PLPPR5: variants seen among roughly 807,000 people sequenced by gnomAD.
The protein encoded by PLPPR5 is phospholipid phosphatase related 5, also known as phospholipid phosphatase-related protein type 5.
PLPPR5 carries 16 observed loss-of-function variants against 33.9 expected under a neutral mutation model. The observed-to-expected ratio is 0.47, with a 90% CI of 0.32 to 0.72. The LOEUF is 0.72. Ranked by LOEUF, PLPPR5 falls within the 30% of genes least tolerant of loss-of-function variation. PLPPR5 has a pLI of 0.03. For synonymous variants in PLPPR5, 163 were observed against 150.3 expected, an observed-to-expected ratio of 1.08 and a Z score of -0.62; for missense variants, 301 against 406.7, an observed-to-expected ratio of 0.74 and a Z score of 2.23.
intron 1 of PLPPR5, among the ~76,000 whole-genome samples, chr1:98,964,913 C>A (rs1356844230): frequency 6.6e-6 from 1 of 152,076 alleles, no homozygotes; most frequent in African/African-American, 2.4e-5. Context: ...AATCCTCCTG[C>A]CTCAGCCTCC....
intron 1 of PLPPR5, 92 bp from the exon 2 acceptor site, chr1:98,956,833 T>A: frequency 1.0e-6 from 1 of 970,110 alleles, no homozygotes; most frequent in Non-Finnish European, 1.4e-6. Flanking sequence ...TGGAGCCCCT[T>A]TGAATGGTAA....
At position 98,997,663 on chromosome 1, in the gene PLPPR5, G is replaced by T. The variant is rs150957970; in HGVS notation, c.237+6772C>A. On this transcript the variant is annotated intron_variant, in intron 1 of 5. Transcript: ENST00000263177. ...TTCTATAGGAAAATCAGGAAAAAAA[G>T]TATAAAAATCTTACTCATTTTTCCA... is the stretch of plus-strand genomic sequence containing the variant. 1.4e-3 allele frequency among the ~76,000 whole-genome samples: 216 copies of T among 152,262 alleles called. 4 individuals carry two copies. Among genetic ancestry groups the T allele is most frequent in the African/African-American group, 4.9e-3 (204 of 41,546 alleles).
At chr1:98,947,476 C>G (rs935858033) in intron 3 of PLPPR5, among the ~76,000 whole-genome samples, 1 of 152,102 alleles carries the variant, frequency 6.6e-6, no homozygotes, top group Non-Finnish European at 1.5e-5. Flanking sequence ...ATCATCCAAG[C>G]CATTTTAATA....
intron 1 of PLPPR5, among the ~76,000 whole-genome samples, chr1:98,972,346 T>C (rs935655078): frequency 6.6e-6 from 1 of 152,100 alleles, no homozygotes; most frequent in Non-Finnish European, 1.5e-5. Context: ...TTCTACTTAA[T>C]GAGCAATTCT....
rs771680518 is a variant in PLPPR5 at position 99,004,635 on chromosome 1, G to A, written c.37C>T (p.Leu13Phe). ...LLPAALTSSMLYFQMVIMAGT... is the reference protein window; with the variant it reads ...LLPAALTSSMFYFQMVIMAGT... ...GCCATGATCACCATCTGGAAATAGAGCATGCTGCTGGTGAGCGCCGCGGGC... is the reference window on the plus strand; with the variant it reads ...GCCATGATCACCATCTGGAAATAGAACATGCTGCTGGTGAGCGCCGCGGGC... The change falls in exon 1 of 6, where the codon CTC becomes TTC. Residue 13 changes from leucine to phenylalanine, a missense_variant. Leu to Phe is a conservative substitution (Grantham distance 22). Coordinates refer to ENST00000263177, the MANE Select transcript of PLPPR5 (RefSeq NM_001037317.2). 47 of 1,612,692 alleles carry A rather than the reference G, an allele frequency of 2.9e-5. No individual in the cohort carries two copies. Among genetic ancestry groups the A allele is most frequent in the Non-Finnish European group, 3.6e-5 (43 of 1,179,690 alleles).
intron 3 of PLPPR5, among the ~76,000 whole-genome samples, chr1:98,935,574 A>T (rs1192402377): frequency 6.6e-6 from 1 of 152,238 alleles, no homozygotes; most frequent in Non-Finnish European, 1.5e-5. Flanking sequence ...AATTATAAGA[A>T]CAAGTCAAAC....
In PLPPR5 at chr1:98,976,587, A is replaced by G. The variant is rs374717166; in HGVS notation, c.238-19846T>C. Among the ~76,000 whole-genome samples, 22 of 152,170 alleles carry G rather than the reference A, an allele frequency of 1.4e-4. No individual in the cohort carries two copies. The South Asian group carries it at 4.4e-3, about 30-fold the overall frequency. On this transcript the variant is annotated intron_variant, in intron 1 of 5. Coordinates refer to ENST00000263177, the MANE Select transcript of PLPPR5 (RefSeq NM_001037317.2). ...TCTGCCCTGTCTGATGAAACTGCCA[A>G]TTGCCTTGAACACTTGGTGACTGAG...
At chr1:98,922,793 G>A (rs1183059433) in intron 3 of PLPPR5, among the ~76,000 whole-genome samples, 2 of 152,090 alleles carry the variant, frequency 1.3e-5, no homozygotes, top group Non-Finnish European at 2.9e-5. Context: ...AGACCATCCT[G>A]GCTAACATGG....
chr1:98,996,787 G>A (rs1250085323), intron 1 of PLPPR5, among the ~76,000 whole-genome samples: 1 of 151,922 alleles, frequency 6.6e-6, no homozygotes, highest in Admixed American at 6.6e-5. Flanking sequence ...TTCTTTTTAT[G>A]TTTGGTTGTA....
chr1:98,953,434 G>A, intron 2 of PLPPR5, 114 bp from the exon 3 acceptor site: 1 of 1,402,782 alleles, frequency 7.1e-7, no homozygotes, highest in Non-Finnish European at 9.5e-7. Flanking sequence ...AAATATTTTA[G>A]AAACTATAAA....
chr1:98,987,638 A>C (rs1221363360), intron 1 of PLPPR5, among the ~76,000 whole-genome samples: 2 of 151,818 alleles, frequency 1.3e-5, no homozygotes, highest in Non-Finnish European at 2.9e-5. Flanking sequence ...CATGGAAAAG[A>C]CTCTGACAAA....
chr1:98,925,697 A>T (rs1052508793), intron 3 of PLPPR5, among the ~76,000 whole-genome samples: 3 of 14,060 alleles, frequency 2.1e-4, no homozygotes, highest in African/African-American at 4.4e-4. Context: ...AAATGGAAAT[A>T]AAAAAACACA....
intron 3 of PLPPR5, among the ~76,000 whole-genome samples, chr1:98,939,767 C>T (rs1020196133): frequency 9.2e-5 from 14 of 151,922 alleles, no homozygotes; most frequent in Admixed American, 2.6e-4. Flanking sequence ...GTATCCTCAG[C>T]GTACCCTTCC....
chr1:99,001,671 G>GATAGATATATATATATATAT (rs1247519605), intron 1 of PLPPR5, among the ~76,000 whole-genome samples: 8 of 102,188 alleles, frequency 7.8e-5, no homozygotes, highest in East Asian at 7.4e-4. Context: ...GAAAGTTAAA[G>GATAGATATATATATATATAT]ATATATATAT....
At position 98,890,557 on chromosome 1, in the gene PLPPR5, T is replaced by C. The variant is rs1466256126; in HGVS notation, c.*2515A>G. ...AATTTTCAAGTTGACTAAATTATAC[T>C]GACCTGGGCCCCAAGTAAGTAGAAT... On this transcript the variant is annotated 3_prime_UTR_variant, in exon 6 of 6. Transcript: ENST00000263177. 2 of 152,560 alleles carry C rather than the reference T, an allele frequency of 1.3e-5. No individual in the cohort carries two copies. The highest frequency in any genetic ancestry group is 2.9e-5 in the Non-Finnish European group (2 of 68,008). 9.5% of individuals were successfully genotyped at this position (152,560 alleles called of 1,614,324 possible).
At chr1:98,934,707 A>C (rs1358122525) in intron 3 of PLPPR5, among the ~76,000 whole-genome samples, 1 of 152,204 alleles carries the variant, frequency 6.6e-6, no homozygotes, top group African/African-American at 2.4e-5. Context: ...AGTCACGTTG[A>C]TCAACAGTTT....
At chr1:98,945,502 T>A (rs1399154473) in intron 3 of PLPPR5, among the ~76,000 whole-genome samples, 2 of 152,158 alleles carry the variant, frequency 1.3e-5, no homozygotes, top group African/African-American at 4.8e-5. Flanking sequence ...CAGGAGGTAG[T>A]GTGATGTAAA....
chr1:98,926,342 T>C lies in PLPPR5; in HGVS notation c.622-4284A>G, dbSNP rs184491909. On this transcript the variant is annotated intron_variant, in intron 3 of 5. Transcript: ENST00000263177. ...GATTGCACCCTATAGTCTTAACTCA[T>C]TGATTTGTATCTCATAGTCAAGTTA... is the stretch of plus-strand genomic sequence containing the variant. 1.4e-3 allele frequency among the ~76,000 whole-genome samples: 214 copies of C among 152,320 alleles called. 1 individual carries two copies. The highest frequency in any genetic ancestry group is 9.7e-3 in the South Asian group (47 of 4,830).
chr1:98,952,957 A>G, intron 3 of PLPPR5, 113 bp downstream of exon 3: 2 of 1,277,916 alleles, frequency 1.6e-6, no homozygotes, highest in Middle Eastern at 2.7e-4. Flanking sequence ...GGCCTACAGA[A>G]AGATATGAAT....
Sources: gnomAD v4.1 joint callset for allele counts (sites outside exome capture counted in the v4.1 genomes callset) on GRCh38, gnomAD v4.1.1 for gene constraint, MANE v1.5 for transcripts, NCBI Gene and HGNC (gene_info 2026-07-23, HGNC 2026-07-21) for gene names.